NTN4: variants seen among roughly 807,000 people sequenced by gnomAD.
NTN4 encodes the protein netrin 4.
A neutral mutation model predicts 73.6 loss-of-function variants in NTN4; 32 were observed. That is an observed-to-expected ratio of 0.44 (90% CI 0.33 to 0.58). NTN4 has a LOEUF of 0.58. Ranked by LOEUF, NTN4 falls within the 20% of genes least tolerant of loss-of-function variation. The pLI is 0.04. For missense variants in NTN4, 654 were observed against 798.3 expected (o/e 0.82, Z 2.18); for synonymous variants, 258 against 287.5 (o/e 0.90, Z 1.04).
intron 1 of NTN4, among the ~76,000 whole-genome samples, chr12:95,788,833 A>G (rs559099475): frequency 1.3e-5 from 2 of 152,322 alleles, no homozygotes; most frequent in African/African-American, 2.4e-5. Flanking sequence ...ACAAACACAC[A>G]ATGTGCTATG....
chr12:95,764,889 C>T (rs1305396863), intron 2 of NTN4, among the ~76,000 whole-genome samples: 29 of 152,022 alleles, frequency 1.9e-4, no homozygotes, highest in Non-Finnish European at 4.4e-5. Context: ...TTTTTTAAAG[C>T]ATATTAACCT....
At chr12:95,666,044 C>T (rs2120923674) in intron 8 of NTN4, 64 bp from the exon 9 acceptor site, 1 of 1,203,752 alleles carries the variant, frequency 8.3e-7, no homozygotes, top group Non-Finnish European at 1.2e-6. Flanking sequence ...GAATAACACT[C>T]AAGTATGCAT....
At chr12:95,738,757 A>G (rs1397286493) in intron 2 of NTN4, among the ~76,000 whole-genome samples, 1 of 151,416 alleles carries the variant, frequency 6.6e-6, no homozygotes, top group African/African-American at 2.4e-5. Flanking sequence ...AAAGGAAAGA[A>G]TCGACTGTGT....
At position 95,659,186 on chromosome 12, in the gene NTN4, C is replaced by A; in HGVS notation, c.1787G>T (p.Arg596Ile). 6.2e-7 allele frequency: 1 copy of A among 1,613,742 alleles called. No individual in the cohort carries two copies. Among genetic ancestry groups the A allele is most frequent in the Non-Finnish European group, 8.5e-7 (1 of 1,179,838 alleles). ...EYLVAGHEDIRTGKLIVNMKS... is the reference protein window; with the variant it reads ...EYLVAGHEDIITGKLIVNMKS... ...CATATTCACAATTAGTTTGCCTGTT[C>A]TTATATCCTCATGTCCTGCTACAAG... Residue 596 changes from arginine to isoleucine, a missense_variant, in exon 10 of 10, where the codon AGA (arginine) becomes ATA (isoleucine). By Grantham distance (97) the Arg-to-Ile change is moderately conservative. Coordinates refer to ENST00000343702, the MANE Select transcript of NTN4 (RefSeq NM_021229.4).
At chr12:95,771,007 T>TTG (rs2079054573) in intron 2 of NTN4, among the ~76,000 whole-genome samples, 1 of 148,708 alleles carries the variant, frequency 6.7e-6, no homozygotes, top group Non-Finnish European at 1.5e-5. Context: ...TTTTTTTTTT[T>TTG]GAGACAGAGT....
chr12:95,704,385 G>A (rs1237262867), intron 5 of NTN4, among the ~76,000 whole-genome samples: 1 of 152,038 alleles, frequency 6.6e-6, no homozygotes, highest in East Asian at 1.9e-4. Context: ...GAAATAATGG[G>A]GGGAAAACAT....
chr12:95,707,506 G>GCCA (rs1464737024), intron 5 of NTN4, among the ~76,000 whole-genome samples: 3 of 152,020 alleles, frequency 2.0e-5, no homozygotes, highest in African/African-American at 7.3e-5. Context: ...ACTGTACCCT[G>GCCA]CCACTCCTCT....
At chr12:95,697,278 T>C (rs746246027) in intron 5 of NTN4, among the ~76,000 whole-genome samples, 1 of 152,094 alleles carries the variant, frequency 6.6e-6, no homozygotes, top group East Asian at 1.9e-4. Flanking sequence ...CATTAATCAA[T>C]CTGAAATTCC....
intron 3 of NTN4, among the ~76,000 whole-genome samples, chr12:95,731,905 A>G (rs539519563): frequency 1.3e-5 from 2 of 152,276 alleles, no homozygotes; most frequent in East Asian, 3.9e-4. Flanking sequence ...GAAAATAATG[A>G]TACTCCATGT....
intron 5 of NTN4, among the ~76,000 whole-genome samples, chr12:95,700,789 CCCTTT>C (rs1437494030): frequency 1.3e-5 from 2 of 150,150 alleles, no homozygotes; most frequent in Non-Finnish European, 3.0e-5. Context: ...TTCTTTTCTT[CCCTTT>C]CTTTTTTCTT....
At chr12:95,712,030 A>C (rs7305690) in intron 4 of NTN4, among the ~76,000 whole-genome samples, 46,925 of 152,152 alleles carry the variant, frequency 0.31, 7,881 homozygotes, top group South Asian at 0.47. Flanking sequence ...TAGAAACAAA[A>C]ACAAATCAGT....
chr12:95,781,507 G>T lies in NTN4; in HGVS notation c.585+5432C>A, dbSNP rs999118165. 1.3e-5 allele frequency among the ~76,000 whole-genome samples: 2 copies of T among 151,960 alleles called. No homozygotes were observed. The highest frequency in any genetic ancestry group is 4.8e-5 in the African/African-American group (2 of 41,338). ...CAGGAAGAATAGCTAATGGATGCTG[G>T]GCTTAATACCTGGGCAATAGGATGA... On this transcript the variant is annotated intron_variant, in intron 2 of 9. Coordinates refer to ENST00000343702, the MANE Select transcript of NTN4 (RefSeq NM_021229.4). The surrounding 1 kb of genome is among the most constrained non-coding windows in gnomAD (Gnocchi z 4.1).
chr12:95,742,813 T>C (rs1339922331), intron 2 of NTN4, among the ~76,000 whole-genome samples: 1 of 152,208 alleles, frequency 6.6e-6, no homozygotes, highest in Non-Finnish European at 1.5e-5. Flanking sequence ...CTCTGGCACA[T>C]TGTAGCATTT....
intron 2 of NTN4, among the ~76,000 whole-genome samples, chr12:95,741,640 A>T (rs59282704): frequency 0.08 from 11,555 of 144,636 alleles, 1,032 homozygotes; most frequent in East Asian, 0.3. Flanking sequence ...TATATATATA[A>T]AAATTATATA....
At chr12:95,741,300 TTA>T (rs2078821720) in intron 2 of NTN4, among the ~76,000 whole-genome samples, 1 of 147,228 alleles carries the variant, frequency 6.8e-6, no homozygotes, top group Non-Finnish European at 1.5e-5. Context: ...TATAAATGAA[TTA>T]TATATGATAT....
chr12:95,754,238 T>C (rs990700886), intron 2 of NTN4, among the ~76,000 whole-genome samples: 2 of 152,036 alleles, frequency 1.3e-5, no homozygotes, highest in African/African-American at 4.8e-5. Context: ...ATAAGACAAA[T>C]GTTTCTTCTA....
intron 2 of NTN4, among the ~76,000 whole-genome samples, chr12:95,752,051 C>T (rs35202071): frequency 0.21 from 32,306 of 151,204 alleles, 4,004 homozygotes; most frequent in Non-Finnish European, 0.29. Flanking sequence ...CCTCTTGTAT[C>T]CCCCCACCTT....
chr12:95,682,886 A>G lies in NTN4; in HGVS notation c.1395-64T>C, dbSNP rs1299586994. Reference sequence around the variant, plus strand: ...TTTTTTAGAACTTGTATAGAAATGAATCTATAGAGATTTAAACCTTATCTT... The same window carrying G: ...TTTTTTAGAACTTGTATAGAAATGAGTCTATAGAGATTTAAACCTTATCTT... On this transcript the variant is annotated intron_variant, in intron 6 of 9. Coordinates refer to ENST00000343702, the MANE Select transcript of NTN4 (RefSeq NM_021229.4). 4.4e-6 allele frequency: 4 copies of G among 906,904 alleles called. No homozygotes were observed. In the African/African-American group the frequency reaches 6.6e-5, roughly 15 times the overall value. 56.2% of individuals were successfully genotyped at this position (906,904 alleles called of 1,614,324 possible).
At chr12:95,749,236 G>A (rs959897808) in intron 2 of NTN4, among the ~76,000 whole-genome samples, 2 of 152,168 alleles carry the variant, frequency 1.3e-5, no homozygotes, top group African/African-American at 4.8e-5. Flanking sequence ...CAGCCATGTT[G>A]CTCACACAAA....
Sources: gnomAD v4.1 joint callset for allele counts (sites outside exome capture counted in the v4.1 genomes callset) on GRCh38, gnomAD v4.1.1 for gene constraint, Gnocchi (gnomAD v3.1) non-coding constraint, MANE v1.5 for transcripts, NCBI Gene and HGNC (gene_info 2026-07-23, HGNC 2026-07-21) for gene names.